The following CABIN1 variants were observed in gnomAD, a reference collection of about 807,000 sequenced individuals.
The protein encoded by CABIN1 is calcineurin-binding protein cabin-1.
In CABIN1, 133 loss-of-function variants were observed where a neutral mutation model predicts 227.7. That is an observed-to-expected ratio of 0.58 (90% CI 0.51 to 0.67). CABIN1 has a LOEUF of 0.67. Ranked by LOEUF, CABIN1 falls within the 30% of genes least tolerant of loss-of-function variation. CABIN1 has a pLI of 0.00. For synonymous variants in CABIN1, 1,086 were observed against 1,155.1 expected, an observed-to-expected ratio of 0.94 and a Z score of 1.21; for missense variants, 2,408 against 2,852.5, an observed-to-expected ratio of 0.84 and a Z score of 3.55.
At position 24,061,948 on chromosome 22, in the gene CABIN1, A is replaced by T. The variant is rs770336391; in HGVS notation, c.1619A>T (p.Asp540Val). The T allele has an allele frequency of 3.1e-6, 5 of 1,613,508 alleles. No homozygotes were observed. The highest frequency in any genetic ancestry group is 2.5e-6 in the Non-Finnish European group (3 of 1,179,510). The change falls in exon 13 of 37, where the codon GAC becomes GTC. Residue 540 changes from aspartate to valine, a missense_variant and splice_region_variant. Asp to Val is a radical substitution (Grantham distance 152). Coordinates refer to ENST00000263119, the MANE Select transcript of CABIN1 (RefSeq NM_012295.4). ...GACCTTCCTGTGTCTGTCCTGCAGG[A>T]CATGATGCTGATGTCTCTCTCCTGC... ...LRDCSNKHIK[D>V]MMLMSLSCME...
chr22:24,140,343 G>A (rs1404024200), intron 29 of CABIN1, among the ~76,000 whole-genome samples: 1 of 152,208 alleles, frequency 6.6e-6, no homozygotes, highest in East Asian at 1.9e-4. Context: ...AGTGAAGATG[G>A]CATGTCTTGG....
At chr22:24,116,928 A>G (rs1425942534) in intron 27 of CABIN1, among the ~76,000 whole-genome samples, 1 of 152,250 alleles carries the variant, frequency 6.6e-6, no homozygotes, top group Admixed American at 6.5e-5. Context: ...AGCCTAGGCT[A>G]GAGCAGCCAG....
At chr22:24,041,115 A>G (rs2037335298) in intron 4 of CABIN1, 24 bp from the exon 5 acceptor site, 1 of 1,614,112 alleles carries the variant, frequency 6.2e-7, no homozygotes, top group African/African-American at 1.3e-5. Flanking sequence ...TCTAGTTGTC[A>G]CTTCTGTTCT....
chr22:24,152,546 G>C (rs2045546695), intron 29 of CABIN1, among the ~76,000 whole-genome samples: 1 of 152,212 alleles, frequency 6.6e-6, no homozygotes, highest in Non-Finnish European at 1.5e-5. Context: ...ACAGCAGGGA[G>C]GCAGGTAAGC....
intron 1 of CABIN1, among the ~76,000 whole-genome samples, chr22:24,023,684 C>T (rs1242855243): frequency 1.3e-5 from 2 of 151,816 alleles, no homozygotes; most frequent in Non-Finnish European, 2.9e-5. Flanking sequence ...TATGCACTTA[C>T]AGGTGTTTTT....
chr22:24,070,821 G>A lies in CABIN1; in HGVS notation c.2254G>A (p.Asp752Asn), dbSNP rs1321540849. The A allele has an allele frequency of 6.2e-7, 1 of 1,614,216 alleles. No homozygotes were observed. The highest frequency in any genetic ancestry group is 1.1e-5 in the South Asian group (1 of 91,084). Reference sequence around the variant, plus strand: ...CTAGGACTCCTTGCTCCGGCTGAAGGACTATCGGCAGTGTTTTGAGTGTTC... The same window carrying A: ...CTAGGACTCCTTGCTCCGGCTGAAGAACTATCGGCAGTGTTTTGAGTGTTC... ...LLQDSLLRLKDYRQCFECSDV... is the reference protein window; with the variant it reads ...LLQDSLLRLKNYRQCFECSDV... The change falls in exon 17 of 37, where the codon GAC becomes AAC. Residue 752 changes from aspartate (D) to asparagine (N), a missense_variant. By Grantham distance (23) the Asp-to-Asn change is conservative. This residue lies in a region of CABIN1 where 1,045 missense variants were observed against 1,168.4 expected (regional missense o/e 0.89). Transcript: ENST00000263119.
In CABIN1 at chr22:24,171,937, T is replaced by C; in HGVS notation, c.5982T>C (p.Pro1994=). The change falls in exon 34 of 37, where the codon CCT becomes CCC. Residue 1994 remains proline (P), a synonymous_variant. Transcript: ENST00000263119. The part of the protein sequence containing the change: ...SASTLDQSKD[P]GPPRPHRPEA... ...CCACCCTGGACCAGTCCAAGGACCC[T>C]GGGCCTCCCCGGCCACACAGGCCTG... The C allele has an allele frequency of 6.2e-7, 1 of 1,613,800 alleles. No individual in the cohort carries two copies. The highest frequency in any genetic ancestry group is 8.5e-7 in the Non-Finnish European group (1 of 1,180,024).
chr22:24,021,212 G>A (rs2035701707), intron 1 of CABIN1, among the ~76,000 whole-genome samples: 1 of 151,568 alleles, frequency 6.6e-6, no homozygotes, highest in African/African-American at 2.4e-5. Flanking sequence ...AGAGATGGGG[G>A]TCTCACTATC....
chr22:24,147,329 TCTCC>T (rs1342190759), intron 29 of CABIN1, among the ~76,000 whole-genome samples: 3 of 46,604 alleles, frequency 6.4e-5, no homozygotes, highest in African/African-American at 2.5e-4. Context: ...CCCTCCCTCC[TCTCC>T]TCCCTCCCTC....
At chr22:24,170,504 A>C (rs1054284608) in intron 33 of CABIN1, among the ~76,000 whole-genome samples, 8 of 152,034 alleles carry the variant, frequency 5.3e-5, no homozygotes, top group African/African-American at 1.9e-4. Flanking sequence ...GGCTGCTACA[A>C]CACCACTGGT....
intron 29 of CABIN1, among the ~76,000 whole-genome samples, chr22:24,144,328 G>A (rs900723878): frequency 6.6e-6 from 1 of 152,180 alleles, no homozygotes; most frequent in Non-Finnish European, 1.5e-5. Context: ...TCCAGGAGGT[G>A]GACTCTCTTG....
intron 1 of CABIN1, among the ~76,000 whole-genome samples, chr22:24,019,215 C>G (rs2035529863): frequency 6.7e-6 from 1 of 149,912 alleles, no homozygotes; most frequent in African/African-American, 2.5e-5. Context: ...ACTGCAACCT[C>G]CGCCTCCTGA....
At chr22:24,096,114 G>A in intron 25 of CABIN1, 32 bp downstream of exon 25, 1 of 1,613,138 alleles carries the variant, frequency 6.2e-7, no homozygotes, top group South Asian at 1.1e-5. Flanking sequence ...ACCCCTAGCA[G>A]CTTACCCCAT....
chr22:24,015,118 T>C (rs2035148650), intron 1 of CABIN1, among the ~76,000 whole-genome samples: 1 of 151,454 alleles, frequency 6.6e-6, no homozygotes, highest in Middle Eastern at 3.4e-3. Flanking sequence ...ACAAAAAAAT[T>C]AGCCGGGTGT....
chr22:24,013,197 C>CTTTTTT (rs35584227), intron 1 of CABIN1, among the ~76,000 whole-genome samples: 11 of 113,512 alleles, frequency 9.7e-5, no homozygotes, highest in Admixed American at 1.2e-4. Flanking sequence ...TCTTTTTAAG[C>CTTTTTT]TTTTTTTTTT....
At position 24,038,402 on chromosome 22, in the gene CABIN1, C is replaced by T. The variant is rs201341706; in HGVS notation, c.151C>T (p.Arg51Trp). 231 of 1,614,030 alleles carry T rather than the reference C, an allele frequency of 1.4e-4. No homozygotes were observed. The highest frequency in any genetic ancestry group is 3.6e-5 in the Non-Finnish European group (43 of 1,179,984). The change falls in exon 4 of 37, where the codon CGG becomes TGG. Residue 51 changes from arginine to tryptophan, a missense_variant. Coordinates refer to ENST00000263119, the MANE Select transcript of CABIN1 (RefSeq NM_012295.4). ...GGCCCTTGATCTGCAGAAACATGACCGGTTTGAGGAGTCTGCCAAAGCCTA... is the reference window on the plus strand; with the variant it reads ...GGCCCTTGATCTGCAGAAACATGACTGGTTTGAGGAGTCTGCCAAAGCCTA... The part of the protein sequence containing the change: ...HKALDLQKHD[R>W]FEESAKAYHE...
intron 6 of CABIN1, among the ~76,000 whole-genome samples, chr22:24,044,586 G>A (rs1318934233): frequency 6.6e-6 from 1 of 152,062 alleles, no homozygotes; most frequent in Non-Finnish European, 1.5e-5. Context: ...CTCTATTTTA[G>A]CATTTCACTA....
At chr22:24,019,932 C>T (rs1268918017) in intron 1 of CABIN1, among the ~76,000 whole-genome samples, 1 of 152,068 alleles carries the variant, frequency 6.6e-6, no homozygotes, top group South Asian at 2.1e-4. Context: ...GCTGGGATTA[C>T]AGGCGTGAGT....
At chr22:24,120,976 C>T (rs2043377519) in intron 28 of CABIN1, among the ~76,000 whole-genome samples, 1 of 152,134 alleles carries the variant, frequency 6.6e-6, no homozygotes, top group South Asian at 2.1e-4. Flanking sequence ...TAGGGGACAG[C>T]ATTGGTCTGG....
Sources: gnomAD v4.1 joint callset for allele counts (sites outside exome capture counted in the v4.1 genomes callset) on GRCh38, gnomAD v4.1.1 for gene constraint, gnomAD v4.1.1 regional missense constraint, MANE v1.5 for transcripts, NCBI Gene and HGNC (gene_info 2026-07-23, HGNC 2026-07-21) for gene names.